SMS: variants seen among roughly 807,000 people sequenced by gnomAD.
The protein encoded by SMS is spermine synthase, also known as spermidine aminopropyltransferase.
In SMS, 3 loss-of-function variants were observed where a neutral mutation model predicts 33.0. That is an observed-to-expected ratio of 0.09 (90% CI 0.04 to 0.23). SMS has a LOEUF of 0.23. SMS is among the 10% of genes least tolerant of loss of function. The pLI is 1.00. For missense variants in SMS, 117 were observed against 288.6 expected, an observed-to-expected ratio of 0.41 and a Z score of 4.31; for synonymous variants, 103 against 112.2, an observed-to-expected ratio of 0.92 and a Z score of 0.52.
rs905138824 is a variant in SMS, at chrX:21,953,823, A to G, written c.49+12950A>G. The stretch of plus-strand genomic sequence containing the variant: ...GTAAGTCTTGCTAGAGTTTATCTTA[A>G]TAATCTTTTCAAAGAAATAGCTCTT... On this transcript the variant is annotated intron_variant, in intron 1 of 10. Coordinates refer to ENST00000404933, the MANE Select transcript of SMS (RefSeq NM_004595.5). 4.5e-5 allele frequency among the ~76,000 whole-genome samples: 5 copies of G among 109,931 alleles called. No homozygotes were observed. In the Admixed American group the frequency reaches 4.9e-4, roughly 11 times the overall value.
chrX:21,966,159 T>C (rs919510652), intron 1 of SMS, among the ~76,000 whole-genome samples: 2 of 112,388 alleles, frequency 1.8e-5, no homozygotes, highest in Non-Finnish European at 3.8e-5. Flanking sequence ...GAAATTCTAA[T>C]GTAATTTTCT....
intron 9 of SMS, 143 bp downstream of exon 9, chrX:21,985,366 G>A (rs371640166): frequency 1.4e-5 from 6 of 436,916 alleles, no homozygotes; most frequent in African/African-American, 7.4e-5. Context: ...AAGCTTCTAC[G>A]TTGACCTGTT....
chrX:21,967,180 T>G lies in SMS; in HGVS notation c.50-16T>G. The G allele has an allele frequency of 8.3e-7, 1 of 1,208,380 alleles. No homozygotes were observed. On this transcript the variant is annotated splice_polypyrimidine_tract_variant and intron_variant, in intron 1 of 10. Transcript: ENST00000404933. The stretch of plus-strand genomic sequence containing the variant: ...TTTCTTTCTGACCATCTTGCCTTCT[T>G]CCCCTTGTTCTCCAGCTGATGGTGA...
At position 21,957,360 on chromosome X, in the gene SMS, C is replaced by T. The variant is rs764768825; in HGVS notation, c.50-9836C>T. Among the ~76,000 whole-genome samples, 3 of 109,280 alleles carry T rather than the reference C, an allele frequency of 2.7e-5. No individual in the cohort carries two copies. The South Asian group carries it at 1.2e-3, about 43-fold the overall frequency. The allele number at this position is 109,280 out of a possible 115,157, so 94.9% of individuals were successfully genotyped here. On this transcript the variant is annotated intron_variant, in intron 1 of 10. Transcript: ENST00000404933. ...CACCCAGGCTGGAGTGCAGTGGCACCGTCTCGGCTCACTGCAACCTCCACC... is the reference window on the plus strand; with the variant it reads ...CACCCAGGCTGGAGTGCAGTGGCACTGTCTCGGCTCACTGCAACCTCCACC...
chrX:21,960,015 G>A, intron 1 of SMS: 1 of 519,157 alleles, frequency 1.9e-6, no homozygotes, highest in Non-Finnish European at 2.3e-6. Context: ...GAAGGCGTGA[G>A]TGACTGTCTG....
At chrX:21,984,518 T>C in intron 8 of SMS, 100 bp downstream of exon 8, 1 of 599,766 alleles carries the variant, frequency 1.7e-6, no homozygotes, top group Non-Finnish European at 2.8e-6. Flanking sequence ...CTCACGTTTT[T>C]GAAAAAGGGA....
chrX:21,952,270 T>G (rs1381127691), intron 1 of SMS, among the ~76,000 whole-genome samples: 1 of 111,983 alleles, frequency 8.9e-6, no homozygotes, highest in Non-Finnish European at 1.9e-5. Flanking sequence ...ATACCCTTTA[T>G]CAAGTTGAGA....
intron 1 of SMS, among the ~76,000 whole-genome samples, chrX:21,953,617 A>G (rs1313936851): frequency 8.9e-6 from 1 of 111,936 alleles, no homozygotes; most frequent in African/African-American, 3.2e-5. Context: ...ACATTCTTTA[A>G]TTTCTTTTAA....
intron 10 of SMS, among the ~76,000 whole-genome samples, chrX:21,993,183 A>G (rs1174402538): frequency 8.9e-6 from 1 of 111,930 alleles, no homozygotes; most frequent in Non-Finnish European, 1.9e-5. Flanking sequence ...TAACCACCCT[A>G]CCTGTGGCAG....
chrX:21,964,557 C>T (rs1004818962), intron 1 of SMS, among the ~76,000 whole-genome samples: 3 of 111,086 alleles, frequency 2.7e-5, no homozygotes, highest in Non-Finnish European at 5.7e-5. Context: ...TGTCTGAAGT[C>T]CCGTTGCTTT....
intron 10 of SMS, among the ~76,000 whole-genome samples, chrX:21,993,890 T>TTTCCCTCTCCTCCTCC (rs1354121293): frequency 1.8e-5 from 2 of 108,785 alleles, no homozygotes; most frequent in Non-Finnish European, 3.8e-5. Flanking sequence ...TCTGACCTTT[T>TTTCCCTCTCCTCCTCC]TTCCCTCTCC....
intron 1 of SMS, among the ~76,000 whole-genome samples, chrX:21,956,667 A>C (rs1270746139): frequency 1.8e-5 from 2 of 110,733 alleles, no homozygotes; most frequent in Non-Finnish European, 3.8e-5. Context: ...ACGGGGTTTC[A>C]TCATGTTGCT....
At chrX:21,945,634 T>TCCCCCCCCCCCCCCCCCCCCCCCCCC (rs376720187) in intron 1 of SMS, among the ~76,000 whole-genome samples, 3 of 34,142 alleles carry the variant, frequency 8.8e-5, no homozygotes, top group Non-Finnish European at 1.7e-4. Context: ...TTGCTTCCCG[T>TCCCCCCCCCCCCCCCCCCCCCCCCCC]CCCCCCCCCC....
At chrX:21,943,479 A>G (rs183745753) in intron 1 of SMS, among the ~76,000 whole-genome samples, 1 of 111,808 alleles carries the variant, frequency 8.9e-6, no homozygotes, top group East Asian at 2.8e-4. Context: ...AAGTAAAAAG[A>G]TTGACGATAA....
chrX:21,975,131 A>G (rs1383992477), intron 4 of SMS, among the ~76,000 whole-genome samples: 1 of 111,203 alleles, frequency 9.0e-6, no homozygotes, highest in Non-Finnish European at 1.9e-5. Context: ...CCTGGGCTAT[A>G]ATCTACCTGA....
chrX:21,976,415 G>T (rs761170239), intron 4 of SMS, among the ~76,000 whole-genome samples: 1 of 111,158 alleles, frequency 9.0e-6, no homozygotes, highest in Non-Finnish European at 1.9e-5. Context: ...TTGTGTTCCC[G>T]ATGTGATGCC....
At chrX:21,982,503 C>T (rs970404335) in intron 7 of SMS, among the ~76,000 whole-genome samples, 20 of 111,827 alleles carry the variant, frequency 1.8e-4, no homozygotes, top group African/African-American at 1.9e-4. Context: ...TGCTGGTTGG[C>T]GTGTGAATTG....
At position 21,972,542 on chromosome X, in the gene SMS, G is replaced by C. The variant is rs770681620; in HGVS notation, c.300G>C (p.Leu100Phe). ...LNKVEERMKE[L>F]SQDSTGRVKR... ...AAGTAGAGGAAAGAATGAAAGAATT[G>C]AGTCAGGACAGTACTGGGCGGGTGA... Residue 100 changes from leucine to phenylalanine, a missense_variant, in exon 4 of 11, where the codon TTG becomes TTC. Leu to Phe is a conservative substitution (Grantham distance 22, BLOSUM62 0). This residue lies in a region of SMS where 25 missense variants were observed against 24.4 expected (regional missense o/e 1.03). Coordinates refer to ENST00000404933, the MANE Select transcript of SMS (RefSeq NM_004595.5). 8.4e-7 allele frequency: 1 copy of C among 1,191,616 alleles called. No individual in the cohort carries two copies. Among genetic ancestry groups the C allele is most frequent in the Non-Finnish European group, 1.1e-6 (1 of 877,244 alleles).
chrX:21,966,887 C>A (rs1013795907), intron 1 of SMS, among the ~76,000 whole-genome samples: 1 of 110,248 alleles, frequency 9.1e-6, no homozygotes, highest in African/African-American at 3.3e-5. Context: ...TGTCTCTAGG[C>A]TGAATATGTC....
Sources: gnomAD v4.1 joint callset for allele counts (sites outside exome capture counted in the v4.1 genomes callset) on GRCh38, gnomAD v4.1.1 for gene constraint, gnomAD v4.1.1 regional missense constraint, MANE v1.5 for transcripts, NCBI Gene and HGNC (gene_info 2026-07-23, HGNC 2026-07-21) for gene names.